OSBPL9: variants seen among roughly 807,000 people sequenced by gnomAD.
The protein encoded by OSBPL9 is oxysterol-binding protein-related protein 9.
A neutral mutation model predicts 106.6 loss-of-function variants in OSBPL9; 40 were observed. The ratio of observed to expected loss-of-function variants is 0.38; its 90% confidence interval spans 0.29 to 0.49. The LOEUF is 0.49. OSBPL9 is among the 20% of genes least tolerant of loss of function. The probability of loss-of-function intolerance (pLI) is 0.97; values close to 1 mark genes in which losing one functional copy is unlikely to be tolerated. For missense variants in OSBPL9, 609 were observed against 887.2 expected (o/e 0.69, Z 3.98); for synonymous variants, 269 against 295.4 (o/e 0.91, Z 0.92).
At chr1:51,656,198 T>C (rs1646803473) in intron 2 of OSBPL9, among the ~76,000 whole-genome samples, 1 of 152,230 alleles carries the variant, frequency 6.6e-6, no homozygotes, top group African/African-American at 2.4e-5. Context: ...ATTTCTTAAC[T>C]TTTATGAGGA....
intron 17 of OSBPL9, 24 bp downstream of exon 17, chr1:51,782,667 A>G (rs1676665408): frequency 6.2e-7 from 1 of 1,605,152 alleles, no homozygotes; most frequent in Non-Finnish European, 8.5e-7. Context: ...CTCCTCTGCA[A>G]CCTGTGCTCT....
intron 4 of OSBPL9, among the ~76,000 whole-genome samples, chr1:51,728,075 A>G (rs1663454621): frequency 6.6e-6 from 1 of 152,216 alleles, no homozygotes; most frequent in Non-Finnish European, 1.5e-5. Flanking sequence ...TTGGCAAATT[A>G]AAGGAGTTTG....
chr1:51,744,717 A>G (rs1667607092), intron 4 of OSBPL9, among the ~76,000 whole-genome samples: 1 of 152,252 alleles, frequency 6.6e-6, no homozygotes, highest in African/African-American at 2.4e-5. Context: ...CCTGCTTAAC[A>G]GTATGATGAC....
intron 3 of OSBPL9, among the ~76,000 whole-genome samples, chr1:51,671,939 T>C (rs1649973358): frequency 6.6e-6 from 1 of 152,166 alleles, no homozygotes; most frequent in African/African-American, 2.4e-5. Context: ...GTTTTGTTTT[T>C]CTTTTTGTAG....
chr1:51,715,961 T>C (rs958717067), intron 4 of OSBPL9, among the ~76,000 whole-genome samples: 9 of 152,236 alleles, frequency 5.9e-5, no homozygotes, highest in African/African-American at 1.9e-4. Flanking sequence ...ATTTGCACAA[T>C]TCACTATCTC....
the OSBPL9 span, chr1:51,519,267 G>A: frequency 2.7e-5 from 35 of 1,277,830 alleles, no homozygotes; most frequent in Non-Finnish European, 3.4e-5. Flanking sequence ...GAAGGAAGAC[G>A]GGCTGACTGG....
intron 2 of OSBPL9, among the ~76,000 whole-genome samples, chr1:51,598,967 C>G (rs1645315252): frequency 1.3e-5 from 2 of 149,968 alleles, no homozygotes; most frequent in East Asian, 3.9e-4. Context: ...GCACTCCAGC[C>G]TGGGCAACAG....
chr1:51,529,706 A>C, the OSBPL9 span, among the ~76,000 whole-genome samples: 1 of 151,680 alleles, frequency 6.6e-6, no homozygotes, highest in Admixed American at 6.6e-5. Flanking sequence ...TCTTTTCAAC[A>C]GATGGTACTG....
chr1:51,750,977 CTGT>C (rs898979752), intron 8 of OSBPL9, among the ~76,000 whole-genome samples: 1 of 152,150 alleles, frequency 6.6e-6, no homozygotes, highest in African/African-American at 2.4e-5. Flanking sequence ...TTTTAACCTA[CTGT>C]TGTTAATGAC....
chr1:51,583,324 A>G (rs190049015), intron 1 of OSBPL9: 4 of 152,318 alleles, frequency 2.6e-5, no homozygotes, highest in East Asian at 1.9e-4. Context: ...CTGAGTCCTT[A>G]CTATGTACCA....
At chr1:51,593,840 C>A (rs1645287709) in intron 1 of OSBPL9, among the ~76,000 whole-genome samples, 1 of 150,262 alleles carries the variant, frequency 6.7e-6, no homozygotes, top group Non-Finnish European at 1.5e-5. Flanking sequence ...GGACTCAAAT[C>A]CAAAACATCC....
At chr1:51,602,736 G>C (rs12084559) in intron 2 of OSBPL9, among the ~76,000 whole-genome samples, 1 of 152,154 alleles carries the variant, frequency 6.6e-6, no homozygotes, top group African/African-American at 2.4e-5. Context: ...ATGAGCTACT[G>C]TACCCAGCCA....
intron 3 of OSBPL9, among the ~76,000 whole-genome samples, chr1:51,686,432 A>C (rs747182642): frequency 6.6e-6 from 1 of 152,066 alleles, no homozygotes; most frequent in Non-Finnish European, 1.5e-5. Flanking sequence ...CTCTTTTACC[A>C]TGGCTTAACC....
chr1:51,602,089 C>T lies in OSBPL9; in HGVS notation c.-353+3896C>T, dbSNP rs181850299. Among the ~76,000 whole-genome samples, 334 of 122,662 alleles carry T rather than the reference C, an allele frequency of 2.7e-3. 3 individuals carry two copies. The highest frequency in any genetic ancestry group is 9.8e-3 in the African/African-American group (324 of 32,940). The allele number at this position is 122,662 out of a possible 152,430, so 80.5% of individuals were successfully genotyped here. ...AGGTAGGACTGCAGTGGCGCGATCT[C>T]GGCTCACTGCAAGCTCCGCCTTCTG... is the stretch of plus-strand genomic sequence containing the variant. On this transcript the variant is annotated intron_variant, in intron 2 of 25. Transcript: ENST00000371714.
At chr1:51,551,382 T>A in the OSBPL9 span, among the ~76,000 whole-genome samples, 1 of 152,172 alleles carries the variant, frequency 6.6e-6, no homozygotes, top group South Asian at 2.1e-4. Context: ...CTTCCTTTTC[T>A]TCATCCGTTT....
chr1:51,758,642 C>T (rs1160245023), intron 9 of OSBPL9, among the ~76,000 whole-genome samples: 5 of 152,080 alleles, frequency 3.3e-5, no homozygotes, highest in Non-Finnish European at 7.4e-5. Flanking sequence ...ATTGTAAGAA[C>T]GTTTCATCTG....
chr1:51,766,789 G>A (rs1425705290), intron 12 of OSBPL9, among the ~76,000 whole-genome samples: 1 of 152,096 alleles, frequency 6.6e-6, no homozygotes, highest in Non-Finnish European at 1.5e-5. Context: ...CGTTTAGGGA[G>A]GCCAAGTGTG....
At chr1:51,782,966 T>C (rs1225450820) in intron 17 of OSBPL9, among the ~76,000 whole-genome samples, 1 of 152,200 alleles carries the variant, frequency 6.6e-6, no homozygotes, top group African/African-American at 2.4e-5. Context: ...AAGTGATACG[T>C]AGTTTCTACA....
chr1:51,707,115 G>T, intron 3 of OSBPL9: 1 of 330,146 alleles, frequency 3.0e-6, no homozygotes, highest in Non-Finnish European at 6.3e-6. Flanking sequence ...GCTCTTGCTG[G>T]AGCTGGTGGT....
Sources: allele counts gnomAD v4.1 joint callset (sites outside exome capture counted in the v4.1 genomes callset), GRCh38; gene constraint gnomAD v4.1.1; transcripts MANE v1.5; gene names NCBI Gene and HGNC (gene_info 2026-07-23, HGNC 2026-07-21).